Variants in ASTN2 observed in about 807,000 individuals in gnomAD.
The protein encoded by ASTN2 is astrotactin 2, also known as astrotactin-2.
Under a neutral mutation model 139.8 loss-of-function variants are expected in ASTN2, and 54 were observed. The ratio of observed to expected loss-of-function variants is 0.39; its 90% CI spans 0.31 to 0.48. The LOEUF is 0.48. ASTN2 is among the 20% of genes least tolerant of loss of function. The pLI, the probability that ASTN2 is intolerant of heterozygous loss-of-function variation, is 0.95. For synonymous variants in ASTN2, 756 were observed against 719.5 expected (o/e 1.05, Z -0.81); for missense variants, 1,565 against 1,725.1 (o/e 0.91, Z 1.64).
At chr9:116,858,039 T>G (rs1165641839) in intron 11 of ASTN2, among the ~76,000 whole-genome samples, 1 of 152,166 alleles carries the variant, frequency 6.6e-6, no homozygotes, top group Non-Finnish European at 1.5e-5. Flanking sequence ...CTCTATCCAG[T>G]TGACAGCCCC....
In ASTN2 at chr9:116,618,316, G is replaced by A. The variant is rs933140120; in HGVS notation, c.3355+8C>T. The A allele has an allele frequency of 6.2e-7, 1 of 1,611,034 alleles. No homozygotes were observed. The highest frequency in any genetic ancestry group is 8.5e-7 in the Non-Finnish European group (1 of 1,178,994). On this transcript the variant is annotated splice_region_variant and intron_variant, in intron 19 of 22. Transcript: ENST00000313400. ...CTATCCCAAGAAAATGGGAACTCATGTACCTACCTGTGTACAGGTCAGTGT... is the reference window on the plus strand; with the variant it reads ...CTATCCCAAGAAAATGGGAACTCATATACCTACCTGTGTACAGGTCAGTGT...
chr9:117,240,337 A>C (rs1160324612), intron 2 of ASTN2, among the ~76,000 whole-genome samples: 1 of 152,172 alleles, frequency 6.6e-6, no homozygotes, highest in East Asian at 1.9e-4. Context: ...TTTGGGTGTG[A>C]CTGTGTGTGT....
chr9:117,112,037 C>A (rs1021108898), intron 4 of ASTN2, among the ~76,000 whole-genome samples: 13 of 151,586 alleles, frequency 8.6e-5, no homozygotes, highest in Admixed American at 2.0e-4. Context: ...ATTCTATTTA[C>A]AATAGTGTAG....
At chr9:116,710,503 G>C (rs571876437) in intron 16 of ASTN2, among the ~76,000 whole-genome samples, 1 of 128,514 alleles carries the variant, frequency 7.8e-6, no homozygotes, top group African/African-American at 3.5e-5. Context: ...GGCCAAGGAG[G>C]GGGGAATCAC....
intron 19 of ASTN2, among the ~76,000 whole-genome samples, chr9:116,502,734 T>G (rs75259383): frequency 0.22 from 2,317 of 10,666 alleles, 172 homozygotes; most frequent in East Asian, 0.41. Flanking sequence ...AAGGAAGGAA[T>G]GAATGAATGA....
intron 11 of ASTN2, among the ~76,000 whole-genome samples, chr9:116,857,554 G>C (rs941224475): frequency 2.0e-5 from 3 of 152,192 alleles, no homozygotes; most frequent in African/African-American, 7.2e-5. Context: ...TGACAAAGCT[G>C]ATGCTATGGG....
chr9:116,470,245 C>G (rs1278771214), intron 20 of ASTN2, among the ~76,000 whole-genome samples: 1 of 152,086 alleles, frequency 6.6e-6, no homozygotes, highest in East Asian at 1.9e-4. Flanking sequence ...AAGATTTAGG[C>G]TGAACACTGA....
intron 10 of ASTN2, among the ~76,000 whole-genome samples, chr9:116,948,785 GTTTTTTTTTT>G (rs58832163): frequency 4.0e-5 from 2 of 49,472 alleles, no homozygotes; most frequent in African/African-American, 1.7e-4. Context: ...ATAATTTGGT[GTTTTTTTTTT>G]TTTTTTTTTT....
intron 3 of ASTN2, among the ~76,000 whole-genome samples, chr9:117,181,407 C>A (rs1413289618): frequency 6.6e-6 from 1 of 152,204 alleles, no homozygotes; most frequent in African/African-American, 2.4e-5. Context: ...GTTTACTCAA[C>A]TCTCTTACAC....
chr9:116,841,466 C>T (rs1352448398), intron 11 of ASTN2, among the ~76,000 whole-genome samples: 2 of 152,090 alleles, frequency 1.3e-5, no homozygotes, highest in East Asian at 1.9e-4. Flanking sequence ...GTCTTGAACT[C>T]CTGACCTCCA....
At chr9:117,020,389 C>G (rs1483159983) in intron 6 of ASTN2, among the ~76,000 whole-genome samples, 1 of 151,452 alleles carries the variant, frequency 6.6e-6, no homozygotes, top group African/African-American at 2.4e-5. Flanking sequence ...TGTTCTCCCT[C>G]TGTTGGAAGA....
chr9:116,677,622 C>G (rs1469216338), intron 16 of ASTN2, among the ~76,000 whole-genome samples: 2 of 152,190 alleles, frequency 1.3e-5, no homozygotes, highest in Non-Finnish European at 2.9e-5. Context: ...GAAGATGAGA[C>G]TCCCAAGAGA....
intron 10 of ASTN2, among the ~76,000 whole-genome samples, chr9:116,924,563 C>T (rs1010682178): frequency 4.6e-5 from 7 of 151,948 alleles, no homozygotes; most frequent in South Asian, 2.1e-4. Flanking sequence ...ATGAATTTTC[C>T]GGGAAAGGGG....
intron 10 of ASTN2, among the ~76,000 whole-genome samples, chr9:116,932,028 G>C (rs1233744398): frequency 6.6e-6 from 1 of 152,128 alleles, no homozygotes; most frequent in African/African-American, 2.4e-5. Flanking sequence ...GGGTGGTAGG[G>C]GGAAGGGGTA....
intron 3 of ASTN2, among the ~76,000 whole-genome samples, chr9:117,211,710 T>C (rs912158877): frequency 2.6e-5 from 4 of 152,178 alleles, no homozygotes; most frequent in African/African-American, 9.7e-5. Context: ...GGAAAAGTTC[T>C]AGGATGCAAA....
At chr9:116,503,752 G>A (rs778088506) in intron 19 of ASTN2, among the ~76,000 whole-genome samples, 2 of 152,160 alleles carry the variant, frequency 1.3e-5, no homozygotes, top group South Asian at 4.1e-4. Context: ...TTCGTGTGGT[G>A]TAAGTAATCT....
At position 116,708,888 on chromosome 9, in the gene ASTN2, C is replaced by A. The variant is rs185169192; in HGVS notation, c.2806+16883G>T. ...ATAATACAGGCACTGCAATTAGTGA[C>A]CCCTGAGAGTCCTTTACTTAAAGGC... is the stretch of plus-strand genomic sequence containing the variant. On this transcript the variant is annotated intron_variant, in intron 16 of 22. Coordinates refer to ENST00000313400, the MANE Select transcript of ASTN2 (RefSeq NM_001365068.1). Among the ~76,000 whole-genome samples the A allele has an allele frequency of 1.3e-3, 197 of 152,332 alleles. 2 individuals are homozygous for A. Among genetic ancestry groups the A allele is most frequent in the Middle Eastern group, 6.8e-3 (2 of 292 alleles).
At chr9:116,855,385 G>C (rs1588356957) in intron 11 of ASTN2, among the ~76,000 whole-genome samples, 1 of 152,322 alleles carries the variant, frequency 6.6e-6, no homozygotes, top group East Asian at 1.9e-4. Flanking sequence ...TGCAGGCATT[G>C]AATCAGTGGA....
At position 117,116,037 on chromosome 9, in the gene ASTN2, C is replaced by CATATATATATATATATATATATATATAT. The variant is rs113795526; in HGVS notation, c.1169-19887_1169-19886insATATATATATATATATATATATATATAT. 3.3e-3 allele frequency among the ~76,000 whole-genome samples: 461 copies of CATATATATATATATATATATATATATAT among 140,154 alleles called. 7 individuals are homozygous for CATATATATATATATATATATATATATAT. Among genetic ancestry groups the CATATATATATATATATATATATATATAT allele is most frequent in the African/African-American group, 8.6e-3 (318 of 36,986 alleles). 91.9% of individuals were successfully genotyped at this position (140,154 alleles called of 152,430 possible). ...GAGACTCCGCCTCAAAAAAAAAATG[C>CATATATATATATATATATATATATATAT]ATATATATATATATATTGCTCCCAT... On this transcript the variant is annotated intron_variant, in intron 4 of 22. Coordinates refer to ENST00000313400, the MANE Select transcript of ASTN2 (RefSeq NM_001365068.1).
Sources: allele counts gnomAD v4.1 joint callset (sites outside exome capture counted in the v4.1 genomes callset), GRCh38; gene constraint gnomAD v4.1.1; transcripts MANE v1.5; gene names NCBI Gene and HGNC (gene_info 2026-07-23, HGNC 2026-07-21).